DCAKD: variants seen among roughly 807,000 people sequenced by gnomAD.
DCAKD encodes dephospho-CoA kinase domain containing, also known as dephospho-CoA kinase domain-containing protein.
Under a neutral mutation model 18.7 loss-of-function variants are expected in DCAKD, and 15 were observed. That is an observed-to-expected ratio of 0.80 (90% CI 0.54 to 1.24). The LOEUF (loss-of-function observed/expected upper bound fraction) is 1.24. Ranked by LOEUF, DCAKD falls within the 50% of genes most tolerant of loss-of-function variation. The probability of loss-of-function intolerance (pLI) is 0.00; values close to 1 mark genes in which losing one functional copy is unlikely to be tolerated. For synonymous variants in DCAKD, 130 were observed against 133.0 expected (o/e 0.98, Z 0.16); for missense variants, 301 against 322.0 (o/e 0.93, Z 0.50).
At chr17:45,052,079 G>C (rs1367724249), upstream of DCAKD, among the ~76,000 whole-genome samples, 1 of 138,846 alleles carries the variant, frequency 7.2e-6, no homozygotes, top group African/African-American at 2.6e-5. Context: ...GGTTGGGCGG[G>C]AGAGGTTGGG....
At chr17:45,053,900 TTCCCTTTCCTTAAACTGTA>T (rs1454683741), upstream of DCAKD, among the ~76,000 whole-genome samples, 1 of 152,154 alleles carries the variant, frequency 6.6e-6, no homozygotes, top group Non-Finnish European at 1.5e-5. Context: ...CCTGTCTCCC[TTCCCTTTCCTTAAACTGTA>T]TCTCTATTCT....
At chr17:45,029,453 G>A (rs1414409265) in intron 4 of DCAKD, among the ~76,000 whole-genome samples, 6 of 152,228 alleles carry the variant, frequency 3.9e-5, no homozygotes. Flanking sequence ...GGGTAGCAGA[G>A]ATACCCTGCG....
At chr17:45,059,976 C>T (rs776791113) in intron 1 of DCAKD, among the ~76,000 whole-genome samples, 69 of 152,030 alleles carry the variant, frequency 4.5e-4, no homozygotes, top group Admixed American at 1.3e-4. Flanking sequence ...TGGTGGCGTG[C>T]GCCTTTAATC....
intron 1 of DCAKD, among the ~76,000 whole-genome samples, chr17:45,036,773 T>C (rs1241530089): frequency 1.3e-5 from 2 of 152,192 alleles, no homozygotes; most frequent in East Asian, 1.9e-4. Flanking sequence ...GAGGTTACCA[T>C]GTCTTGGACT....
Position 45,060,500 on chromosome 17 carries a change from G to A in DCAKD, c.-118+388C>T, listed in dbSNP as rs548098136. 1.2e-4 allele frequency among the ~76,000 whole-genome samples: 18 copies of A among 152,064 alleles called. No individual in the cohort carries two copies. The East Asian group carries it at 3.5e-3, about 29-fold the overall frequency. On this transcript the variant is annotated intron_variant, in intron 1 of 4. Transcript: ENST00000310604. ...CGCTCCAGCCTGGGCGACAGAAGGCGGCCGTATTTAAAAAAGAAAAAAGAA... is the reference window on the plus strand; with the variant it reads ...CGCTCCAGCCTGGGCGACAGAAGGCAGCCGTATTTAAAAAAGAAAAAAGAA...
Position 45,051,411 on chromosome 17 carries a change from C to G in DCAKD, c.-165G>C, listed in dbSNP as rs555893199. Reference sequence around the variant, plus strand: ...CTCAATACATCGTAACTCAGGCTTTCAAAAGAGGCCCGTACGCCCCACTAG... The same window carrying G: ...CTCAATACATCGTAACTCAGGCTTTGAAAAGAGGCCCGTACGCCCCACTAG... On this transcript the variant is annotated 5_prime_UTR_variant, in exon 1 of 5. Transcript: ENST00000651974. 6.6e-6 allele frequency: 1 copy of G among 152,234 alleles called. No individual in the cohort carries two copies. The highest frequency in any genetic ancestry group is 1.5e-5 in the Non-Finnish European group (1 of 68,012). The allele number at this position is 152,234 out of a possible 1,614,324, so 9.4% of individuals were successfully genotyped here.
intron 1 of DCAKD, among the ~76,000 whole-genome samples, chr17:45,046,416 G>C (rs2053568451): frequency 6.6e-6 from 1 of 152,072 alleles, no homozygotes; most frequent in Non-Finnish European, 1.5e-5. Context: ...AGGAATTTGA[G>C]ACCAGCCTGG....
At chr17:45,054,182 A>G (rs947936493), upstream of DCAKD, 3 of 516,624 alleles carry the variant, frequency 5.8e-6, no homozygotes, top group African/African-American at 3.9e-5. Context: ...TCTCTTCCAC[A>G]TTATCTCTGC....
chr17:45,032,543 G>A (rs998194811), intron 3 of DCAKD, among the ~76,000 whole-genome samples: 5 of 152,148 alleles, frequency 3.3e-5, no homozygotes, highest in African/African-American at 9.7e-5. Context: ...CCAGCACTTT[G>A]GGAGGGCGAG....
At position 45,024,059 on chromosome 17, in the gene DCAKD, G is replaced by A. The variant is rs1034712667; in HGVS notation, c.*374C>T. The A allele has an allele frequency of 9.7e-6, 2 of 206,400 alleles. No homozygotes were observed. Among genetic ancestry groups the A allele is most frequent in the Non-Finnish European group, 2.0e-5 (2 of 100,860 alleles). The allele number at this position is 206,400 out of a possible 1,614,324, so 12.8% of individuals were successfully genotyped here. A position where few individuals can be genotyped will look rare whatever the true frequency, so the allele number is the denominator to read the frequency against. On this transcript the variant is annotated 3_prime_UTR_variant, in exon 5 of 5. Transcript: ENST00000651974. ...GAGGATTCAAGCCCAGTGAACCCTT[G>A]GCCTCCCAGCTCTGAGGAGGGCCAC...
chr17:45,026,637 G>A, intron 4 of DCAKD: 6 of 985,404 alleles, frequency 6.1e-6, no homozygotes, highest in Non-Finnish European at 7.2e-6. Flanking sequence ...CCTTCTTAGG[G>A]ATTCTGGGAA....
chr17:45,037,238 G>C (rs1002663655), intron 1 of DCAKD, among the ~76,000 whole-genome samples: 11 of 152,142 alleles, frequency 7.2e-5, no homozygotes, highest in Non-Finnish European at 1.6e-4. Context: ...GGTTGAGGCA[G>C]GAGGATTGCT....
At chr17:45,029,791 C>G (rs2053136865) in intron 4 of DCAKD, among the ~76,000 whole-genome samples, 1 of 152,082 alleles carries the variant, frequency 6.6e-6, no homozygotes, top group African/African-American at 2.4e-5. Context: ...GAAGAAGGAG[C>G]CACTGAGTAA....
chr17:45,030,487 C>T (rs1383208049), intron 3 of DCAKD, among the ~76,000 whole-genome samples: 1 of 152,200 alleles, frequency 6.6e-6, no homozygotes, highest in Non-Finnish European at 1.5e-5. Flanking sequence ...GAATGAGAAC[C>T]ACCACAGCAC....
chr17:45,056,828 C>T (rs1567855585), intron 1 of DCAKD, among the ~76,000 whole-genome samples: 1 of 151,256 alleles, frequency 6.6e-6, no homozygotes, highest in African/African-American at 2.4e-5. Context: ...AGTGCGGTGG[C>T]GTGATCTCCG....
chr17:45,031,702 G>A (rs1430825202), intron 3 of DCAKD: 1 of 985,248 alleles, frequency 1.0e-6, no homozygotes, highest in Admixed American at 6.2e-5. Context: ...CCCCTCTGGG[G>A]AGTACGTGGT....
At chr17:45,042,007 T>A (rs1469473232) in intron 1 of DCAKD, among the ~76,000 whole-genome samples, 1 of 151,844 alleles carries the variant, frequency 6.6e-6, no homozygotes, top group Non-Finnish European at 1.5e-5. Context: ...TCTCAGCTAC[T>A]TGAGAGGCTG....
At chr17:45,038,565 T>C (rs1287905163) in intron 1 of DCAKD, among the ~76,000 whole-genome samples, 1 of 152,218 alleles carries the variant, frequency 6.6e-6, no homozygotes. Flanking sequence ...AATCTGTTTG[T>C]AGGCAAATCG....
chr17:45,035,771 C>A (rs1430733997), intron 1 of DCAKD, among the ~76,000 whole-genome samples: 1 of 152,126 alleles, frequency 6.6e-6, no homozygotes, highest in African/African-American at 2.4e-5. Flanking sequence ...GCAAAAGAGA[C>A]CACAAATAGA....
Sources: allele counts gnomAD v4.1 joint callset (sites outside exome capture counted in the v4.1 genomes callset), GRCh38; gene constraint gnomAD v4.1.1; transcripts MANE v1.5; gene names NCBI Gene and HGNC (gene_info 2026-07-23, HGNC 2026-07-21).